CR1: variants seen among roughly 807,000 people sequenced by gnomAD.
CR1 encodes complement receptor type 1.
In CR1, 116 loss-of-function variants were observed where a neutral mutation model predicts 187.3. The ratio of observed to expected loss-of-function variants is 0.62; its 90% CI spans 0.53 to 0.72. The LOEUF is 0.72. Among genes scored for constraint, CR1 ranks in the 30% least tolerant of loss-of-function variants. The probability of loss-of-function intolerance (pLI) is 0.00; values close to 1 mark genes in which losing one functional copy is unlikely to be tolerated. For synonymous variants in CR1, 576 were observed against 747.1 expected (o/e 0.77, Z 3.73); for missense variants, 1,731 against 2,110.7 (o/e 0.82, Z 3.52).
At chr1:207,620,208 A>T in intron 43 of CR1, 143 bp downstream of exon 43, 1 of 807,052 alleles carries the variant, frequency 1.2e-6, no homozygotes, top group Admixed American at 3.5e-5. Flanking sequence ...CACCTATTCC[A>T]AAACTCCCAT....
intron 28 of CR1, 82 bp from the exon 29 acceptor site, chr1:207,577,723 T>C (rs1660796838): frequency 1.3e-6 from 2 of 1,575,894 alleles, no homozygotes; most frequent in Admixed American, 3.8e-5. Context: ...TAGCCATGAT[T>C]GTGCCACTGC....
chr1:207,499,764 C>T (rs919038744), intron 1 of CR1, among the ~76,000 whole-genome samples: 5 of 152,160 alleles, frequency 3.3e-5, no homozygotes, highest in Non-Finnish European at 5.9e-5. Context: ...AAGGGAAGTT[C>T]CAATTTGCTT....
intron 35 of CR1, among the ~76,000 whole-genome samples, chr1:207,595,013 G>A (rs533737256): frequency 1.3e-5 from 2 of 152,068 alleles, no homozygotes; most frequent in Admixed American, 1.3e-4. Flanking sequence ...ACATAGAATC[G>A]ATGGAACTAT....
intron 46 of CR1, among the ~76,000 whole-genome samples, chr1:207,638,096 T>C (rs1358041203): frequency 6.6e-6 from 1 of 152,214 alleles, no homozygotes; most frequent in African/African-American, 2.4e-5. Flanking sequence ...TGAGGAGTGG[T>C]ACATTCCTTA....
At chr1:207,621,117 A>C (rs1028667868) in intron 43 of CR1, among the ~76,000 whole-genome samples, 3 of 152,110 alleles carry the variant, frequency 2.0e-5, no homozygotes, top group Non-Finnish European at 4.4e-5. Context: ...GTACTAAAAA[A>C]TAAAAAAATT....
At chr1:207,564,080 G>T (rs773450115) in intron 22 of CR1, 40 bp downstream of exon 22, 2 of 1,527,912 alleles carry the variant, frequency 1.3e-6, no homozygotes, top group Admixed American at 3.7e-5. Flanking sequence ...TTTAGCTTGC[G>T]TCTTTATTCT....
intron 46 of CR1, among the ~76,000 whole-genome samples, chr1:207,632,349 A>G (rs911664632): frequency 1.3e-5 from 2 of 152,238 alleles, no homozygotes; most frequent in East Asian, 1.9e-4. Flanking sequence ...TATAAAAATC[A>G]TAAGATGAAA....
At chr1:207,589,268 C>G (rs1057146985) in intron 35 of CR1, among the ~76,000 whole-genome samples, 2 of 152,092 alleles carry the variant, frequency 1.3e-5, no homozygotes, top group Non-Finnish European at 2.9e-5. Context: ...CTCCTTGGGA[C>G]AAGTAGCCAC....
At chr1:207,590,453 G>A (rs746531297) in intron 35 of CR1, among the ~76,000 whole-genome samples, 8 of 152,164 alleles carry the variant, frequency 5.3e-5, no homozygotes, top group Non-Finnish European at 1.2e-4. Flanking sequence ...AAGGGCTCCT[G>A]AAGGAAGCAC....
At chr1:207,589,746 G>A (rs1661216070) in intron 35 of CR1, among the ~76,000 whole-genome samples, 2 of 152,138 alleles carry the variant, frequency 1.3e-5, no homozygotes, top group South Asian at 2.1e-4. Flanking sequence ...TTACTAACTA[G>A]AATAACCAGT....
At position 207,511,470 on chromosome 1, in the gene CR1, C is replaced by T. The variant is rs960318764; in HGVS notation, c.402-99C>T. 7 of 1,233,722 alleles carry T rather than the reference C, an allele frequency of 5.7e-6. No homozygotes were observed. The African/African-American group carries it at 8.9e-5, about 16-fold the overall frequency. The allele number at this position is 1,233,722 out of a possible 1,614,324, so 76.4% of individuals were successfully genotyped here. ...GTCCTTTGATGAGTGTAAAAAGTCC[C>T]TCTGAATCCTATAAGAGTGTAATCT... On this transcript the variant is annotated intron_variant, in intron 3 of 46. Transcript: ENST00000367049.
Position 207,563,883 on chromosome 1 carries a change from T to C in CR1, c.3606T>C (p.Asp1202=). Residue 1202 remains aspartate, a synonymous_variant, in exon 22 of 47, where the codon GAT becomes GAC. Transcript: ENST00000367049. Reference sequence around the variant, plus strand: ...CCCCAGTATGTCAGCCACCTCCAGATGTCCTGCATGCTGAGCGTACCCAAA... The same window carrying C: ...CCCCAGTATGTCAGCCACCTCCAGACGTCCTGCATGCTGAGCGTACCCAAA... ...SCSRVCQPPP[D]VLHAERTQRD... is the part of the protein sequence containing the mutation. 1 of 1,475,988 alleles carries C rather than the reference T, an allele frequency of 6.8e-7. No individual in the cohort carries two copies. Among genetic ancestry groups the C allele is most frequent in the Non-Finnish European group, 8.9e-7 (1 of 1,128,436 alleles). The allele number at this position is 1,475,988 out of a possible 1,614,324, so 91.4% of individuals were successfully genotyped here.
Position 207,522,802 on chromosome 1 carries a change from A to G in CR1, c.488-809A>G, listed in dbSNP as rs556896658. Reference sequence around the variant, plus strand: ...TTTCTAAATTTATCCAATTAAATTCACTCAGTTTTAATTTCAAGTGTTTTG... The same window carrying G: ...TTTCTAAATTTATCCAATTAAATTCGCTCAGTTTTAATTTCAAGTGTTTTG... On this transcript the variant is annotated intron_variant, in intron 4 of 46. Coordinates refer to ENST00000367049, the MANE Select transcript of CR1 (RefSeq NM_000651.6). 7.2e-5 allele frequency among the ~76,000 whole-genome samples: 11 copies of G among 152,272 alleles called. No individual in the cohort carries two copies. In the East Asian group the frequency reaches 2.1e-3, roughly 29 times the overall value.
intron 40 of CR1, among the ~76,000 whole-genome samples, chr1:207,615,488 G>A (rs759938331): frequency 6.6e-6 from 1 of 152,080 alleles, no homozygotes; most frequent in East Asian, 1.9e-4. Context: ...CAAACCATCC[G>A]CTTAAATAAA....
chr1:207,568,083 A>G (rs770701204), intron 25 of CR1, 41 bp downstream of exon 25: 6 of 1,610,640 alleles, frequency 3.7e-6, no homozygotes, highest in Non-Finnish European at 5.1e-6. Context: ...GGTTCAGAAT[A>G]TCTAACCCAG....
rs144445965 is a variant in CR1, at chr1:207,630,932, G to A, written c.7457+311G>A. Reference sequence around the variant, plus strand: ...TTTTTCTTGTGGAACCCAAGAATTTGCTGCCTGCTTGTACCTCCAAGTCTT... The same window carrying A: ...TTTTTCTTGTGGAACCCAAGAATTTACTGCCTGCTTGTACCTCCAAGTCTT... On this transcript the variant is annotated intron_variant, in intron 46 of 46. Coordinates refer to ENST00000367049, the MANE Select transcript of CR1 (RefSeq NM_000651.6). Among the ~76,000 whole-genome samples the A allele has an allele frequency of 7.9e-3, 1,198 of 152,154 alleles. 20 individuals are homozygous for A. The highest frequency in any genetic ancestry group is 0.027 in the African/African-American group (1,133 of 41,504).
chr1:207,597,493 G>A (rs972768072), intron 35 of CR1, among the ~76,000 whole-genome samples: 1 of 152,160 alleles, frequency 6.6e-6, no homozygotes, highest in East Asian at 1.9e-4. Flanking sequence ...CACATCAAAA[G>A]ATGTTCAACA....
At chr1:207,600,032 C>G (rs934699550) in intron 35 of CR1, among the ~76,000 whole-genome samples, 2 of 152,086 alleles carry the variant, frequency 1.3e-5, no homozygotes, top group African/African-American at 4.8e-5. Context: ...GCAAAATTTT[C>G]AATTTTGCAG....
At chr1:207,576,506 T>C (rs1319605694) in intron 28 of CR1, among the ~76,000 whole-genome samples, 1 of 152,226 alleles carries the variant, frequency 6.6e-6, no homozygotes, top group Non-Finnish European at 1.5e-5. Flanking sequence ...AGAGCTTTTG[T>C]TCTTATTATT....
Sources: gnomAD v4.1 joint callset for allele counts (sites outside exome capture counted in the v4.1 genomes callset) on GRCh38, gnomAD v4.1.1 for gene constraint, MANE v1.5 for transcripts, NCBI Gene and HGNC (gene_info 2026-07-23, HGNC 2026-07-21) for gene names.